Variants in LCOR observed in about 807,000 individuals in gnomAD.
LCOR encodes ligand-dependent corepressor.
LCOR carries 14 observed loss-of-function variants against 64.4 expected under a neutral mutation model. That is an observed-to-expected ratio of 0.22 (90% confidence interval 0.14 to 0.34). LCOR has a LOEUF of 0.34. Among genes scored for constraint, LCOR ranks in the 10% least tolerant of loss-of-function variants. The pLI is 1.00. For synonymous variants in LCOR, 643 were observed against 642.5 expected (o/e 1.00, Z -0.01); for missense variants, 1,686 against 1,765.3 (o/e 0.96, Z 0.80).
At chr10:96,883,648 G>A (rs776216196) in intron 2 of LCOR, among the ~76,000 whole-genome samples, 3 of 152,172 alleles carry the variant, frequency 2.0e-5, no homozygotes, top group Non-Finnish European at 2.9e-5. Flanking sequence ...TGTCTTTGAT[G>A]AGGTGTTTGT....
intron 2 of LCOR, among the ~76,000 whole-genome samples, chr10:96,874,878 C>T (rs796201115): frequency 6.6e-5 from 10 of 152,046 alleles, no homozygotes; most frequent in African/African-American, 2.4e-4. Flanking sequence ...CCTTGTGATC[C>T]ACCTACCTCA....
At chr10:96,934,156 A>C (rs1057494919) in intron 4 of LCOR, among the ~76,000 whole-genome samples, 1 of 152,232 alleles carries the variant, frequency 6.6e-6, no homozygotes, top group African/African-American at 2.4e-5. Context: ...AGAGGATTCA[A>C]ATAAGATGGT....
rs959919032 is a variant in LCOR, at chr10:96,957,815, C to T, written c.332+5619C>T. On this transcript the variant is annotated intron_variant, in intron 7 of 7. Transcript: ENST00000421806. ...CTTGACATAGCTTGGGTGTGGGTTC[C>T]TCTTGTTTTGGTTATTTTGTGTAGC... The T allele has an allele frequency of 8.1e-6, 8 of 985,532 alleles. No homozygotes were observed. The African/African-American group carries it at 1.0e-4, about 13-fold the overall frequency. 61.0% of individuals were successfully genotyped at this position (985,532 alleles called of 1,614,324 possible). A position where few individuals can be genotyped will look rare whatever the true frequency, so the allele number is the denominator to read the frequency against.
chr10:96,958,057 G>A, intron 7 of LCOR: 5 of 1,042,734 alleles, frequency 4.8e-6, no homozygotes, highest in Non-Finnish European at 3.5e-6. Flanking sequence ...AGCTTATGAA[G>A]GAATGCCTCC....
rs1482078479 is a variant in LCOR at position 96,987,342 on chromosome 10, C to T, written c.*2208C>T. On this transcript the variant is annotated 3_prime_UTR_variant, in exon 8 of 8. Coordinates refer to ENST00000421806, the MANE Select transcript of LCOR (RefSeq NM_001346516.2). ...CTGATTCCTGTACAGAAGAGGTGCC[C>T]CGTTGGCTGCATACCGACTACCTTG... is the stretch of plus-strand genomic sequence containing the variant. 1 of 152,134 alleles carries T rather than the reference C, an allele frequency of 6.6e-6. No homozygotes were observed. The highest frequency in any genetic ancestry group is 1.5e-5 in the Non-Finnish European group (1 of 68,022). The allele number at this position is 152,134 out of a possible 1,614,324, so 9.4% of individuals were successfully genotyped here.
chr10:96,956,499 C>G (rs1847786327), intron 7 of LCOR: 1 of 982,104 alleles, frequency 1.0e-6, no homozygotes, highest in Non-Finnish European at 1.2e-6. Context: ...ATTATTGGGT[C>G]ATTTATAGTT....
chr10:96,880,228 T>G (rs2134418301), intron 2 of LCOR, among the ~76,000 whole-genome samples: 1 of 152,342 alleles, frequency 6.6e-6, no homozygotes, highest in Admixed American at 6.5e-5. Context: ...TCAGTGACCT[T>G]TAGAGCTGTC....
chr10:96,832,561 G>C (rs1283972324), intron 1 of LCOR, among the ~76,000 whole-genome samples, 162 bp downstream of exon 1: 1 of 126,952 alleles, frequency 7.9e-6, no homozygotes, highest in East Asian at 2.5e-4. Context: ...GTGAGCGCGC[G>C]CGACCTCCAG....
At chr10:96,979,272 A>G (rs1483448232) in intron 7 of LCOR, among the ~76,000 whole-genome samples, 1 of 152,266 alleles carries the variant, frequency 6.6e-6, no homozygotes. Flanking sequence ...AAGTCACATA[A>G]TAGTCTCCTG....
chr10:96,914,592 A>G (rs889886093), intron 4 of LCOR, among the ~76,000 whole-genome samples: 2 of 152,260 alleles, frequency 1.3e-5, no homozygotes, highest in African/African-American at 4.8e-5. Context: ...CAATTGTAGT[A>G]TTTAAAAGCA....
At chr10:96,968,804 C>T (rs1427999934) in intron 7 of LCOR, among the ~76,000 whole-genome samples, 1 of 151,974 alleles carries the variant, frequency 6.6e-6, no homozygotes, top group African/African-American at 2.4e-5. Flanking sequence ...CTTGGTGGCT[C>T]AATGCCTGTA....
At chr10:96,913,456 A>G (rs1451100246) in intron 4 of LCOR, among the ~76,000 whole-genome samples, 1 of 152,220 alleles carries the variant, frequency 6.6e-6, no homozygotes, top group Admixed American at 6.5e-5. Flanking sequence ...GTTCTTGTGT[A>G]TGGCTGGGAT....
At chr10:96,871,912 C>G (rs941981450) in intron 2 of LCOR, among the ~76,000 whole-genome samples, 2 of 152,134 alleles carry the variant, frequency 1.3e-5, no homozygotes, top group Non-Finnish European at 2.9e-5. Flanking sequence ...TTTCTGAAGT[C>G]ACAATATCTG....
At chr10:96,938,468 T>A (rs1048362335) in intron 4 of LCOR, among the ~76,000 whole-genome samples, 9 of 149,454 alleles carry the variant, frequency 6.0e-5, no homozygotes, top group Non-Finnish European at 1.0e-4. Context: ...TCCCCCGAGA[T>A]CAGAAACAAG....
chr10:96,846,152 A>G (rs981209503), intron 2 of LCOR, among the ~76,000 whole-genome samples: 3 of 152,126 alleles, frequency 2.0e-5, no homozygotes, highest in Non-Finnish European at 4.4e-5. Context: ...GGTTGCAGTG[A>G]GCCGAGATTG....
At position 96,970,899 on chromosome 10, in the gene LCOR, G is replaced by A. The variant is rs561053028; in HGVS notation, c.333-9894G>A. 3.3e-5 allele frequency among the ~76,000 whole-genome samples: 5 copies of A among 152,108 alleles called. No homozygotes were observed. In the East Asian group the frequency reaches 5.8e-4, roughly 18 times the overall value. The stretch of plus-strand genomic sequence containing the variant: ...CTCCCAAAGTATTAGAATTACAGGC[G>A]TGAGCCACCACGCACAGCTCTAGCC... On this transcript the variant is annotated intron_variant, in intron 7 of 7. Coordinates refer to ENST00000421806, the MANE Select transcript of LCOR (RefSeq NM_001346516.2).
At position 96,957,101 on chromosome 10, in the gene LCOR, A is replaced by G. The variant is rs537815068; in HGVS notation, c.332+4905A>G. On this transcript the variant is annotated intron_variant, in intron 7 of 7. Coordinates refer to ENST00000421806, the MANE Select transcript of LCOR (RefSeq NM_001346516.2). Reference sequence around the variant, plus strand: ...GTTCTAACAATTCAATCAGAAGTCAAGCTCATTGGAATTCCTTTTTTAACT... The same window carrying G: ...GTTCTAACAATTCAATCAGAAGTCAGGCTCATTGGAATTCCTTTTTTAACT... 85 of 985,240 alleles carry G rather than the reference A, an allele frequency of 8.6e-5. No individual in the cohort carries two copies. In the African/African-American group the frequency reaches 1.0e-3, roughly 12 times the overall value. The allele number at this position is 985,240 out of a possible 1,614,324, so 61.0% of individuals were successfully genotyped here. A position where few individuals can be genotyped will look rare whatever the true frequency, so the allele number is the denominator to read the frequency against.
In LCOR at chr10:96,983,580, C is replaced by G; in HGVS notation, c.3120C>G (p.Thr1040=). 2 of 1,614,132 alleles carry G rather than the reference C, an allele frequency of 1.2e-6. No homozygotes were observed. Among genetic ancestry groups the G allele is most frequent in the Non-Finnish European group, 1.7e-6 (2 of 1,180,014 alleles). The change falls in exon 8 of 8, where the codon ACC becomes ACG. Residue 1040 remains threonine, a synonymous_variant. Transcript: ENST00000421806. The surrounding 1 kb of genome is among the most constrained non-coding windows in gnomAD (Gnocchi z 4.5). ...VPRPKRLTSS[T]YNLRHAHSLG... Reference sequence around the variant, plus strand: ...GGCCTAAAAGATTGACCTCTTCAACCTACAACCTAAGACACGCTCATTCTC... The same window carrying G: ...GGCCTAAAAGATTGACCTCTTCAACGTACAACCTAAGACACGCTCATTCTC...
intron 2 of LCOR, among the ~76,000 whole-genome samples, chr10:96,887,989 T>A (rs1254976223): frequency 2.0e-5 from 3 of 151,968 alleles, no homozygotes; most frequent in Non-Finnish European, 4.4e-5. Flanking sequence ...CCTACTTTTT[T>A]CGTAGAATAC....
Sources: gnomAD v4.1 joint callset for allele counts (sites outside exome capture counted in the v4.1 genomes callset) on GRCh38, gnomAD v4.1.1 for gene constraint, Gnocchi (gnomAD v3.1) non-coding constraint, MANE v1.5 for transcripts, NCBI Gene and HGNC (gene_info 2026-07-23, HGNC 2026-07-21) for gene names.